The following FRMPD4 variants were observed in gnomAD, a reference collection of about 807,000 sequenced individuals.
FRMPD4 encodes FERM and PDZ domain-containing protein 4.
A neutral mutation model predicts 94.1 loss-of-function variants in FRMPD4; 22 were observed. That is an observed-to-expected ratio of 0.23 (90% CI 0.17 to 0.33). The LOEUF is 0.33. Among genes scored for constraint, FRMPD4 ranks in the 10% least tolerant of loss-of-function variants. The pLI is 1.00. For synonymous variants in FRMPD4, 631 were observed against 548.6 expected, an observed-to-expected ratio of 1.15 and a Z score of -2.10; for missense variants, 1,111 against 1,339.9, an observed-to-expected ratio of 0.83 and a Z score of 2.67.
intron 3 of FRMPD4, among the ~76,000 whole-genome samples, chrX:12,056,443 G>A (rs922762327): frequency 1.8e-5 from 2 of 111,565 alleles, no homozygotes; most frequent in Non-Finnish European, 3.8e-5. Flanking sequence ...TTCTACACAG[G>A]AACGTTGGGG....
At chrX:12,047,225 A>G (rs1433951985) in intron 3 of FRMPD4, among the ~76,000 whole-genome samples, 1 of 110,175 alleles carries the variant, frequency 9.1e-6, no homozygotes, top group East Asian at 2.8e-4. Context: ...TGTATATATC[A>G]TAATACCACA....
intron 3 of FRMPD4, among the ~76,000 whole-genome samples, chrX:11,986,578 C>G (rs6639116): frequency 0.089 from 9,892 of 110,740 alleles, 369 homozygotes; most frequent in East Asian, 0.24. Context: ...AAGTTCACAA[C>G]AGAAATAAAT....
At chrX:12,419,666 C>T (rs988060055) in intron 1 of FRMPD4, among the ~76,000 whole-genome samples, 2 of 110,884 alleles carry the variant, frequency 1.8e-5, no homozygotes, top group African/African-American at 3.3e-5. Context: ...GGCTTCTGCC[C>T]ATATCAGTTC....
intron 1 of FRMPD4, among the ~76,000 whole-genome samples, chrX:11,823,532 G>T (rs1028278721): frequency 9.1e-5 from 10 of 110,384 alleles, no homozygotes; most frequent in Non-Finnish European, 1.9e-4. Flanking sequence ...TCTAAAATTG[G>T]AGCTCATGTG....
At chrX:12,479,929 C>T (rs2057661563) in intron 1 of FRMPD4, among the ~76,000 whole-genome samples, 2 of 110,136 alleles carry the variant, frequency 1.8e-5, no homozygotes, top group Non-Finnish European at 3.8e-5. Flanking sequence ...GCAGAGTAGC[C>T]TAATCTCCTT....
chrX:12,351,746 T>A (rs958382113), intron 1 of FRMPD4, among the ~76,000 whole-genome samples: 1 of 112,799 alleles, frequency 8.9e-6, no homozygotes, highest in Non-Finnish European at 1.9e-5. Flanking sequence ...AATGGAATCA[T>A]ATAGCATGTA....
intron 2 of FRMPD4, among the ~76,000 whole-genome samples, chrX:12,556,567 T>C (rs1417039358): frequency 9.0e-6 from 1 of 111,691 alleles, no homozygotes; most frequent in Non-Finnish European, 1.9e-5. Flanking sequence ...TTTAATTTCA[T>C]GAAACTCTGA....
intron 1 of FRMPD4, among the ~76,000 whole-genome samples, chrX:12,413,499 C>T (rs2056760781): frequency 8.9e-6 from 1 of 111,898 alleles, no homozygotes; most frequent in African/African-American, 3.3e-5. Flanking sequence ...GAAATTGAAA[C>T]ATGCAAAGGC....
chrX:12,269,076 T>C (rs1395132191), intron 1 of FRMPD4, among the ~76,000 whole-genome samples: 1 of 112,486 alleles, frequency 8.9e-6, no homozygotes, highest in Admixed American at 9.4e-5. Flanking sequence ...TTCTTTTTGG[T>C]TCTGTTGCCA....
chrX:12,468,366 T>C (rs2057471950), intron 1 of FRMPD4, among the ~76,000 whole-genome samples: 1 of 111,988 alleles, frequency 8.9e-6, no homozygotes, highest in African/African-American at 3.2e-5. Flanking sequence ...AGAGATACCA[T>C]GCAAAGGCAG....
At chrX:12,188,597 C>G (rs925710491) in intron 1 of FRMPD4, among the ~76,000 whole-genome samples, 1 of 111,597 alleles carries the variant, frequency 9.0e-6, no homozygotes, top group Non-Finnish European at 1.9e-5. Context: ...ACAAGAATTT[C>G]GATACGAAAC....
chrX:12,678,762 T>G (rs1036029224), intron 5 of FRMPD4, among the ~76,000 whole-genome samples: 1 of 111,580 alleles, frequency 9.0e-6, no homozygotes, highest in Admixed American at 9.4e-5. Flanking sequence ...GAGGCAGAGG[T>G]TGCAGTGAGC....
chrX:12,697,300 C>A (rs1037348337), intron 9 of FRMPD4, among the ~76,000 whole-genome samples: 18 of 112,266 alleles, frequency 1.6e-4, no homozygotes, highest in African/African-American at 5.8e-4. Context: ...TGATCTGTTA[C>A]TGCATCTTCC....
At chrX:12,418,350 CTTTTTTTT>C (rs540740432) in intron 1 of FRMPD4, among the ~76,000 whole-genome samples, 3 of 81,077 alleles carry the variant, frequency 3.7e-5, no homozygotes, top group African/African-American at 1.4e-4. Context: ...GTGTTTCTTT[CTTTTTTTT>C]TTTTTTTTTT....
chrX:12,449,056 T>A (rs1395859911), intron 1 of FRMPD4, among the ~76,000 whole-genome samples: 1 of 112,117 alleles, frequency 8.9e-6, no homozygotes, highest in Non-Finnish European at 1.9e-5. Context: ...TGTTCATACA[T>A]GCAGAAATCC....
At chrX:12,604,156 C>T (rs761854699) in intron 2 of FRMPD4, among the ~76,000 whole-genome samples, 2 of 109,914 alleles carry the variant, frequency 1.8e-5, no homozygotes, top group South Asian at 3.9e-4. Flanking sequence ...GAAATATAGG[C>T]CAATGTAAGA....
At chrX:11,832,758 AC>A (rs2053482301) in intron 1 of FRMPD4, among the ~76,000 whole-genome samples, 1 of 111,921 alleles carries the variant, frequency 8.9e-6, no homozygotes, top group Non-Finnish European at 1.9e-5. Context: ...CCCCTGTCCC[AC>A]TGCACACAGG....
At chrX:12,466,682 G>A (rs941589422) in intron 1 of FRMPD4, among the ~76,000 whole-genome samples, 1 of 112,251 alleles carries the variant, frequency 8.9e-6, no homozygotes, top group Admixed American at 9.5e-5. Flanking sequence ...AAGAGGGCAA[G>A]AAACTCTGTT....
intron 4 of FRMPD4, among the ~76,000 whole-genome samples, chrX:12,645,501 ATGCACCACCACGCCCGACTAATTT>A (rs1465165672): frequency 9.2e-6 from 1 of 108,447 alleles, no homozygotes; most frequent in Non-Finnish European, 1.9e-5. Flanking sequence ...GATTGGAGGC[ATGCACCACCACGCCCGACTAATTT>A]TGTATTTTTA....
Sources: gnomAD v4.1 joint callset for allele counts (sites outside exome capture counted in the v4.1 genomes callset) on GRCh38, gnomAD v4.1.1 for gene constraint, MANE v1.5 for transcripts, NCBI Gene and HGNC (gene_info 2026-07-23, HGNC 2026-07-21) for gene names.